Variants in RPUSD2 observed in about 807,000 individuals in gnomAD.
RPUSD2 encodes RNA pseudouridine synthase domain containing 2, also known as pseudouridylate synthase RPUSD2.
RPUSD2 carries 31 observed loss-of-function variants against 41.5 expected under a neutral mutation model. The observed-to-expected ratio is 0.75, with a 90% CI of 0.56 to 1.01. The LOEUF (loss-of-function observed/expected upper bound fraction) is 1.01. Among genes scored for constraint, RPUSD2 ranks in the 50% least tolerant of loss-of-function variants. RPUSD2 has a pLI of 0.00. For missense variants in RPUSD2, 749 were observed against 724.7 expected (o/e 1.03, Z -0.38); for synonymous variants, 305 against 289.7 (o/e 1.05, Z -0.54).
At chr15:40,572,328 C>T (rs1328586299) in intron 2 of RPUSD2, among the ~76,000 whole-genome samples, 5 of 151,592 alleles carry the variant, frequency 3.3e-5, no homozygotes, top group Non-Finnish European at 7.4e-5. Flanking sequence ...TTTGGGAGGC[C>T]GAGGCGGGCA....
At chr15:40,573,490 C>T in intron 2 of RPUSD2, 37 bp from the exon 3 acceptor site, 15 of 1,578,396 alleles carry the variant, frequency 9.5e-6, no homozygotes, top group Non-Finnish European at 1.3e-5. Context: ...TGAATTTAGG[C>T]TTTGTACTGA....
In RPUSD2 at chr15:40,574,279, G is replaced by A; in HGVS notation, c.*18G>A. The A allele has an allele frequency of 1.3e-6, 2 of 1,598,652 alleles. No homozygotes were observed. The highest frequency in any genetic ancestry group is 1.7e-6 in the Non-Finnish European group (2 of 1,172,742). On this transcript the variant is annotated 3_prime_UTR_variant, in exon 3 of 3. Coordinates refer to ENST00000315616, the MANE Select transcript of RPUSD2 (RefSeq NM_152260.3). ...AGGACTGAGGGTGTGGCCAATGGAG[G>A]GATTGCTTCTTGGGTTGTGACAAGG...
intron 2 of RPUSD2, 118 bp downstream of exon 2, chr15:40,572,018 C>A: frequency 9.4e-7 from 1 of 1,067,678 alleles, no homozygotes; most frequent in Non-Finnish European, 1.3e-6. Flanking sequence ...TCCTTCCTAC[C>A]TTCCTACCTT....
In RPUSD2 at chr15:40,569,813, G is replaced by T. The variant is rs1221559099; in HGVS notation, c.476G>T (p.Gly159Val). 6.2e-7 allele frequency: 1 copy of T among 1,613,334 alleles called. No homozygotes were observed. The highest frequency in any genetic ancestry group is 8.5e-7 in the Non-Finnish European group (1 of 1,179,772). ...ACCTACTGCAAAGGTCGCTGGGTGG[G>T]CCACAGCTTGCTGCACGTCTTCAGT... ...FRTYCKGRWV[G>V]HSLLHVFSTE... The change falls in exon 1 of 3, where the codon GGC (glycine) becomes GTC (valine). Residue 159 changes from glycine to valine, a missense_variant. Physicochemically the swap from Gly to Val is moderately radical, Grantham distance 109. Transcript: ENST00000315616.
chr15:40,574,052 AC>A lies in RPUSD2; in HGVS notation c.1430del (p.Thr477LysfsTer2). On this transcript the variant is annotated frameshift_variant, in exon 3 of 3. Coordinates refer to ENST00000315616, the MANE Select transcript of RPUSD2 (RefSeq NM_152260.3). LOFTEE classifies it high-confidence loss of function. Reference protein sequence around the residue: ...VAEAAPQELDTIALASEKAVE... With the variant: ...VAEAAPQELDXIALASEKAVE... ...TGAGGCAGCCCCTCAGGAGTTGGACACAATAGCCTTGGCATCAGAGAAGGCA... is the reference window on the plus strand; with the variant it reads ...TGAGGCAGCCCCTCAGGAGTTGGACAAATAGCCTTGGCATCAGAGAAGGCA... 6.2e-7 allele frequency: 1 copy of A among 1,614,198 alleles called. No homozygotes were observed. The highest frequency in any genetic ancestry group is 8.5e-7 in the Non-Finnish European group (1 of 1,180,030).
Position 40,569,567 on chromosome 15 carries a change from G to T in RPUSD2, c.230G>T (p.Arg77Leu). 6.5e-7 allele frequency: 1 copy of T among 1,533,444 alleles called. No homozygotes were observed. The highest frequency in any genetic ancestry group is 8.8e-7 in the Non-Finnish European group (1 of 1,142,666). 95.0% of individuals were successfully genotyped at this position (1,533,444 alleles called of 1,614,324 possible). A position where few individuals can be genotyped will look rare whatever the true frequency, so the allele number is the denominator to read the frequency against. The change falls in exon 1 of 3, where the codon CGG (arginine) becomes CTG (leucine). Residue 77 changes from arginine to leucine, a missense_variant. Arg to Leu is a moderately radical substitution (Grantham distance 102). Transcript: ENST00000315616. The part of the protein sequence containing the change: ...LSPGPPKPAG[R>L]EVEPAPVGGE... ...CCCGGGCCCCCGAAGCCGGCTGGCC[G>T]GGAAGTGGAGCCGGCCCCAGTAGGC...
At position 40,571,706 on chromosome 15, in the gene RPUSD2, A is replaced by C. The variant is rs1268388557; in HGVS notation, c.709A>C (p.Lys237Gln). Residue 237 changes from lysine to glutamine, a missense_variant, in exon 2 of 3, where the codon AAG (lysine) becomes CAG (glutamine). By Grantham distance (53) the Lys-to-Gln change is moderately conservative. Transcript: ENST00000315616. The stretch of plus-strand genomic sequence containing the variant: ...GAACGAAGATGTGGTGGTTGTAGAC[A>C]AGCCTTCCTCCATTCCCGTTCACCC... ...AENEDVVVVD[K>Q]PSSIPVHPCG... 2.5e-6 allele frequency: 4 copies of C among 1,614,222 alleles called. No homozygotes were observed. Among genetic ancestry groups the C allele is most frequent in the Non-Finnish European group, 3.4e-6 (4 of 1,180,042 alleles).
In RPUSD2 at chr15:40,571,733, T is replaced by C; in HGVS notation, c.736T>C (p.Cys246Arg). ...DKPSSIPVHP[C>R]GRFRHNTVIF... is the part of the protein sequence containing the mutation. ...GCCTTCCTCCATTCCCGTTCACCCC[T>C]GTGGCCGCTTCCGACACAACACAGT... The change falls in exon 2 of 3, where the codon TGT becomes CGT. Residue 246 changes from cysteine to arginine, a missense_variant. Physicochemically the swap from Cys to Arg is radical, Grantham distance 180. Coordinates refer to ENST00000315616, the MANE Select transcript of RPUSD2 (RefSeq NM_152260.3). 6.2e-7 allele frequency: 1 copy of C among 1,614,240 alleles called. No homozygotes were observed. The highest frequency in any genetic ancestry group is 2.2e-5 in the East Asian group (1 of 44,884).
Position 40,574,346 on chromosome 15 carries a change from G to A in RPUSD2, c.*85G>A. On this transcript the variant is annotated 3_prime_UTR_variant, in exon 3 of 3. Coordinates refer to ENST00000315616, the MANE Select transcript of RPUSD2 (RefSeq NM_152260.3). ...GGGCTGACCCCATGGGCTAGTACTT[G>A]GGGTTTCTATAGGAATGAGGACGGG... is the stretch of plus-strand genomic sequence containing the variant. The A allele has an allele frequency of 6.7e-7, 1 of 1,493,540 alleles. No homozygotes were observed. The highest frequency in any genetic ancestry group is 8.9e-7 in the Non-Finnish European group (1 of 1,118,860). 92.5% of individuals were successfully genotyped at this position (1,493,540 alleles called of 1,614,324 possible).
intron 1 of RPUSD2, among the ~76,000 whole-genome samples, chr15:40,571,343 A>G (rs886570825): frequency 6.6e-6 from 1 of 152,318 alleles, no homozygotes; most frequent in Non-Finnish European, 1.5e-5. Context: ...AAGCCAAAAA[A>G]CATTCATAAT....
chr15:40,573,268 AC>A (rs1298562973), intron 2 of RPUSD2, among the ~76,000 whole-genome samples: 1 of 151,948 alleles, frequency 6.6e-6, no homozygotes, highest in African/African-American at 2.4e-5. Flanking sequence ...CAGGTGATCC[AC>A]CCACCTCAGC....
In RPUSD2 at chr15:40,569,754, G is replaced by A. The variant is rs1364392640; in HGVS notation, c.417G>A (p.Leu139=). The A allele has an allele frequency of 1.2e-6, 2 of 1,607,444 alleles. No individual in the cohort carries two copies. Among genetic ancestry groups the A allele is most frequent in the Admixed American group, 3.4e-5 (2 of 58,778 alleles). ...AETSYYFEGG[L]RKVRPYYFDF... is the part of the protein sequence containing the mutation. ...CCAGTTATTACTTCGAGGGCGGCCT[G>A]CGTAAGGTGCGGCCCTATTACTTTG... Residue 139 remains leucine (L), a synonymous_variant, in exon 1 of 3, where the codon CTG becomes CTA. Transcript: ENST00000315616.
intron 2 of RPUSD2, among the ~76,000 whole-genome samples, chr15:40,572,378 C>T (rs980023216): frequency 3.3e-5 from 5 of 151,946 alleles, no homozygotes; most frequent in East Asian, 3.9e-4. Context: ...CTGGCTAACA[C>T]GGTGAAACCC....
chr15:40,571,924 C>T, intron 2 of RPUSD2, 24 bp downstream of exon 2: 3 of 1,605,780 alleles, frequency 1.9e-6, no homozygotes, highest in Non-Finnish European at 2.6e-6. Flanking sequence ...TTGTCTCCTA[C>T]AGGCCACTTC....
chr15:40,574,737 CATTT>C lies in RPUSD2; in HGVS notation c.*478_*481del, dbSNP rs1891218963. On this transcript the variant is annotated 3_prime_UTR_variant, in exon 3 of 3. Transcript: ENST00000315616. The stretch of plus-strand genomic sequence containing the variant: ...CAATTTAAGATGTACAGCGTAGTCA[CATTT>C]AGTACATTCACAGTGTTGTACAACC... 6.5e-6 allele frequency: 1 copy of C among 154,408 alleles called. No homozygotes were observed. The highest frequency in any genetic ancestry group is 2.0e-4 in the South Asian group (1 of 4,950). 9.6% of individuals were successfully genotyped at this position (154,408 alleles called of 1,614,324 possible).
Position 40,569,775 on chromosome 15 carries a change from C to T in RPUSD2, c.438C>T (p.Tyr146=). 2 of 1,611,938 alleles carry T rather than the reference C, an allele frequency of 1.2e-6. No homozygotes were observed. Among genetic ancestry groups the T allele is most frequent in the Admixed American group, 1.7e-5 (1 of 59,644 alleles). The change falls in exon 1 of 3, where the codon TAC becomes TAT. Residue 146 remains tyrosine (Y), a synonymous_variant. Transcript: ENST00000315616. ...GCCTGCGTAAGGTGCGGCCCTATTACTTTGACTTCCGGACCTACTGCAAAG... is the reference window on the plus strand; with the variant it reads ...GCCTGCGTAAGGTGCGGCCCTATTATTTTGACTTCCGGACCTACTGCAAAG... The part of the protein sequence containing the change: ...EGGLRKVRPY[Y]FDFRTYCKGR...
In RPUSD2 at chr15:40,569,445, A is replaced by G. The variant is rs1166519584; in HGVS notation, c.108A>G (p.Ala36=). The change falls in exon 1 of 3, where the codon GCA becomes GCG. Residue 36 remains alanine, a synonymous_variant. Coordinates refer to ENST00000315616, the MANE Select transcript of RPUSD2 (RefSeq NM_152260.3). Reference sequence around the variant, plus strand: ...GGAGTGGCGATAAGGGCCCAATGGCAGAAACAGTGTCTACCCAGGTTGGGA... The same window carrying G: ...GGAGTGGCGATAAGGGCCCAATGGCGGAAACAGTGTCTACCCAGGTTGGGA... The part of the protein sequence containing the change: ...RTWSGDKGPM[A]ETVSTQVGTE... 1 of 1,570,166 alleles carries G rather than the reference A, an allele frequency of 6.4e-7. No homozygotes were observed. The highest frequency in any genetic ancestry group is 8.6e-7 in the Non-Finnish European group (1 of 1,162,694).
In RPUSD2 at chr15:40,571,950, C is replaced by G. The variant is rs376743785; in HGVS notation, c.903+50C>G. ...AGGCCACTTCTTGGGCTCACGAATG[C>G]TCTGTGTCAAAAGGGCATCATGGAG... On this transcript the variant is annotated intron_variant, in intron 2 of 2. Coordinates refer to ENST00000315616, the MANE Select transcript of RPUSD2 (RefSeq NM_152260.3). The G allele has an allele frequency of 7.0e-6, 11 of 1,570,922 alleles. No individual in the cohort carries two copies. The African/African-American group carries it at 1.1e-4, about 15-fold the overall frequency.
intron 2 of RPUSD2, among the ~76,000 whole-genome samples, chr15:40,572,925 C>T (rs1340685185): frequency 6.6e-6 from 1 of 151,750 alleles, no homozygotes; most frequent in Admixed American, 6.6e-5. Context: ...TTATTGAGTG[C>T]ATGCTATATA....
Sources: gnomAD v4.1 joint callset for allele counts (sites outside exome capture counted in the v4.1 genomes callset) on GRCh38, gnomAD v4.1.1 for gene constraint, MANE v1.5 for transcripts, NCBI Gene and HGNC (gene_info 2026-07-23, HGNC 2026-07-21) for gene names.